Variants in PACS2 observed in about 807,000 individuals in gnomAD.
The protein encoded by PACS2 is PACS1-like protein.
A neutral mutation model predicts 113.0 loss-of-function variants in PACS2; 36 were observed. That is an observed-to-expected ratio of 0.32 (90% confidence interval 0.24 to 0.42). The LOEUF (loss-of-function observed/expected upper bound fraction) is 0.42, where lower values mean the gene tolerates loss of function less well. Ranked by LOEUF, PACS2 falls within the 10% of genes least tolerant of loss-of-function variation. The probability of loss-of-function intolerance (pLI) is 1.00; values close to 1 mark genes in which losing one functional copy is unlikely to be tolerated. For missense variants in PACS2, 1,015 were observed against 1,239.5 expected (o/e 0.82, Z 2.72); for synonymous variants, 589 against 536.1 (o/e 1.10, Z -1.36).
chr14:105,386,188 G>A lies in PACS2; in HGVS notation c.2033+471G>A, dbSNP rs374499851. Among the ~76,000 whole-genome samples the A allele has an allele frequency of 6.2e-3, 948 of 152,292 alleles. 13 individuals carry two copies. Among genetic ancestry groups the A allele is most frequent in the African/African-American group, 0.021 (892 of 41,572 alleles). ...CCAGGCTGTTTCCCAGGCCCTTCAC[G>A]TTTGTGAAGCTGGCAGCAGCCTAGC... On this transcript the variant is annotated intron_variant, in intron 19 of 24. Coordinates refer to ENST00000447393, the MANE Select transcript of PACS2 (RefSeq NM_001100913.3).
intron 6 of PACS2, 24 bp downstream of exon 6, chr14:105,368,171 G>A (rs782713223): frequency 1.2e-5 from 18 of 1,542,030 alleles, no homozygotes; most frequent in East Asian, 1.1e-4. Flanking sequence ...GGGGCTCCGC[G>A]CCCTCTCCTG....
intron 1 of PACS2, among the ~76,000 whole-genome samples, chr14:105,334,524 CGTAGA>C (rs2059431155): frequency 6.6e-6 from 1 of 151,426 alleles, no homozygotes; most frequent in African/African-American, 2.4e-5. Context: ...CCAATATGTG[CGTAGA>C]GCTCCACCTG....
intron 15 of PACS2, 81 bp from the exon 16 acceptor site, chr14:105,383,278 C>T (rs1298457087): frequency 1.3e-6 from 2 of 1,519,772 alleles, no homozygotes; most frequent in African/African-American, 1.4e-5. Context: ...GCCCCCTGGG[C>T]TCACACTGGC....
At chr14:105,390,894 C>A (rs1186773282) in intron 20 of PACS2, 3 of 439,252 alleles carry the variant, frequency 6.8e-6, no homozygotes, top group Non-Finnish European at 8.3e-6. Flanking sequence ...CGTCGGCCCG[C>A]CAAGGTCCCT....
chr14:105,331,319 C>T (rs1236484238), intron 1 of PACS2, among the ~76,000 whole-genome samples: 1 of 152,168 alleles, frequency 6.6e-6, no homozygotes, highest in Non-Finnish European at 1.5e-5. Context: ...TGCATGTATT[C>T]CTGTCATTTT....
chr14:105,390,058 T>C, intron 20 of PACS2, 55 bp downstream of exon 20: 3 of 1,474,524 alleles, frequency 2.0e-6, no homozygotes, highest in African/African-American at 1.4e-5. Context: ...CAACTTGTCG[T>C]TTACAGTCAG....
intron 19 of PACS2, chr14:105,389,090 G>C (rs1404320693): frequency 3.3e-5 from 5 of 152,316 alleles, no homozygotes; most frequent in African/African-American, 1.2e-4. Context: ...AGTGGGCACA[G>C]TCAGCAGGAG....
chr14:105,347,387 CA>C (rs1318673034), intron 1 of PACS2, among the ~76,000 whole-genome samples: 1 of 152,100 alleles, frequency 6.6e-6, no homozygotes, highest in African/African-American at 2.4e-5. Context: ...ACCCAATGCC[CA>C]GGGGTGGAGA....
rs1555413201 is a variant in PACS2 at position 105,384,927 on chromosome 14, G to A, written c.1940G>A (p.Gly647Glu). The A allele has an allele frequency of 6.2e-7, 1 of 1,602,330 alleles. No individual in the cohort carries two copies. The highest frequency in any genetic ancestry group is 8.5e-7 in the Non-Finnish European group (1 of 1,174,818). ...TCACGCATCACGCAGTACATCGCAG[G>A]GGCCAACTGTGCCCACCAGCTCCCC... ...IVSRITQYIA[G>E]ANCAHQLPIA... The change falls in exon 18 of 25, where the codon GGG (glycine) becomes GAG (glutamate). Residue 647 changes from glycine to glutamate, a missense_variant. By Grantham distance (98) the Gly-to-Glu change is moderately conservative. Transcript: ENST00000447393.
intron 9 of PACS2, among the ~76,000 whole-genome samples, chr14:105,378,229 G>A (rs908865350): frequency 3.9e-5 from 6 of 152,256 alleles, no homozygotes; most frequent in East Asian, 1.9e-4. Context: ...CTTAAACTCC[G>A]TGGTGTTGGC....
In PACS2 at chr14:105,391,689, C is replaced by T. The variant is rs782009606; in HGVS notation, c.2178C>T (p.Ser726=). ...GSGTLSSTPP[S]ASPAAKEASP... ...GCACGCTCTCCTCCACCCCGCCGTC[C>T]GCATCTCCTGCGGCCAAGGAGGCCT... The change falls in exon 22 of 25, where the codon TCC becomes TCT. Residue 726 remains serine, a synonymous_variant. Coordinates refer to ENST00000447393, the MANE Select transcript of PACS2 (RefSeq NM_001100913.3). The T allele has an allele frequency of 1.2e-5, 20 of 1,607,752 alleles. No individual in the cohort carries two copies. The highest frequency in any genetic ancestry group is 1.2e-4 in the Admixed American group (7 of 59,494).
rs2059274187 is a variant in PACS2 at position 105,330,656 on chromosome 14, C to T, written c.119+15619C>T. Among the ~76,000 whole-genome samples the T allele has an allele frequency of 6.6e-6, 1 of 152,240 alleles. No homozygotes were observed. Among genetic ancestry groups the T allele is most frequent in the Non-Finnish European group, 1.5e-5 (1 of 68,038 alleles). ...CCTGTCTCCACGGAGCACCGTGGGA[C>T]TCTGGCATCAGAATCCTGGGGCCCC... is the stretch of plus-strand genomic sequence containing the variant. On this transcript the variant is annotated intron_variant, in intron 1 of 24. Transcript: ENST00000447393. This position sits in a 1 kb window ranked among gnomAD's most constrained non-coding sequence, Gnocchi z 6.9.
At chr14:105,318,464 T>C (rs1206135346) in intron 1 of PACS2, among the ~76,000 whole-genome samples, 1 of 152,046 alleles carries the variant, frequency 6.6e-6, no homozygotes, top group Non-Finnish European at 1.5e-5. Context: ...TGTTTTGTTT[T>C]GTTTTTTTGA....
rs78899107 is a variant in PACS2, at chr14:105,394,521, G to T, written c.2597-33G>T. On this transcript the variant is annotated intron_variant, in intron 24 of 24. Transcript: ENST00000447393. The stretch of plus-strand genomic sequence containing the variant: ...TGGATAGGGTGGGCAGGCCGGGCAG[G>T]GGGGCAGGCGGTCAGGCAGCCCTCT... The T allele has an allele frequency of 5.5e-3, 8,886 of 1,608,164 alleles. 425 individuals are homozygous for T. The African/African-American group carries it at 0.1, about 18-fold the overall frequency.
chr14:105,344,979 C>T (rs1406392130), intron 1 of PACS2, among the ~76,000 whole-genome samples: 1 of 152,046 alleles, frequency 6.6e-6, no homozygotes, highest in Non-Finnish European at 1.5e-5. Context: ...CGTGGTAGTG[C>T]ACACCTGTAA....
chr14:105,349,924 T>TA lies in PACS2; in HGVS notation c.207+1344_207+1345insA, dbSNP rs59761673. Among the ~76,000 whole-genome samples, 129 of 33,988 alleles carry TA rather than the reference T, an allele frequency of 3.8e-3. 1 individual carries two copies. The highest frequency in any genetic ancestry group is 5.6e-3 in the African/African-American group (93 of 16,616). The allele number at this position is 33,988 out of a possible 152,430, so 22.3% of individuals were successfully genotyped here. On this transcript the variant is annotated intron_variant, in intron 2 of 24. Coordinates refer to ENST00000447393, the MANE Select transcript of PACS2 (RefSeq NM_001100913.3). ...AGAACTTCCAGGAGAGCGTGGCTAA[T>TA]GCAGGACCCCGAGAACTTCCAGGAG...
chr14:105,368,620 C>T (rs1385167576), intron 7 of PACS2, 81 bp downstream of exon 7: 23 of 1,071,378 alleles, frequency 2.1e-5, no homozygotes, highest in South Asian at 1.0e-4. Flanking sequence ...GGGGGGGACA[C>T]GGGCGTGGGA....
intron 17 of PACS2, 88 bp downstream of exon 17, chr14:105,384,551 C>A (rs1473703770): frequency 5.0e-6 from 4 of 792,748 alleles, no homozygotes; most frequent in African/African-American, 1.7e-5. Flanking sequence ...AGGCCCTGCA[C>A]CTGCTCAGGC....
chr14:105,391,776 C>G lies in PACS2; in HGVS notation c.2255+10C>G. ...GCCTGTCCTCCCCCAGGTAAAGGTG[C>G]CTCACGGCTCAGCACGTTTCACTTA... On this transcript the variant is annotated intron_variant, in intron 22 of 24. Coordinates refer to ENST00000447393, the MANE Select transcript of PACS2 (RefSeq NM_001100913.3). 6.3e-7 allele frequency: 1 copy of G among 1,587,448 alleles called. No homozygotes were observed. The highest frequency in any genetic ancestry group is 8.6e-7 in the Non-Finnish European group (1 of 1,168,104).
Sources: gnomAD v4.1 joint callset for allele counts (sites outside exome capture counted in the v4.1 genomes callset) on GRCh38, gnomAD v4.1.1 for gene constraint, Gnocchi (gnomAD v3.1) non-coding constraint, MANE v1.5 for transcripts, NCBI Gene and HGNC (gene_info 2026-07-23, HGNC 2026-07-21) for gene names.